Variants in RRP9 observed in about 807,000 individuals in gnomAD.
RRP9 encodes the protein ribosomal RNA processing 9, U3 small nucleolar RNA binding protein.
In RRP9, 35 loss-of-function variants were observed where a neutral mutation model predicts 65.5. That is an observed-to-expected ratio of 0.53 (90% confidence interval 0.41 to 0.71). RRP9 has a LOEUF of 0.71. Ranked by LOEUF, RRP9 falls within the 30% of genes least tolerant of loss-of-function variation. The pLI is 0.00. For missense variants in RRP9, 533 were observed against 633.6 expected, an observed-to-expected ratio of 0.84 and a Z score of 1.70; for synonymous variants, 254 against 245.0, an observed-to-expected ratio of 1.04 and a Z score of -0.34.
Position 51,934,626 on chromosome 3 carries a change from C to A in RRP9, c.1180+5G>T. On this transcript the variant is annotated splice_donor_5th_base_variant and intron_variant, in intron 12 of 14. Transcript: ENST00000232888. This position sits in a 1 kb window ranked among gnomAD's most constrained non-coding sequence, Gnocchi z 4.1. ...CCCCTCCTCCCTGCCTCTCAGGGCA[C>A]CCACCTGTGGCCACAAGGTCTGTGT... The A allele has an allele frequency of 6.2e-7, 1 of 1,614,086 alleles. No individual in the cohort carries two copies. The highest frequency in any genetic ancestry group is 8.5e-7 in the Non-Finnish European group (1 of 1,179,990).
In RRP9 at chr3:51,934,108, C is replaced by T. The variant is rs1164511486; in HGVS notation, c.1261-327G>A. On this transcript the variant is annotated intron_variant, in intron 13 of 14. Coordinates refer to ENST00000232888, the MANE Select transcript of RRP9 (RefSeq NM_004704.5). The surrounding 1 kb of genome is among the most constrained non-coding windows in gnomAD (Gnocchi z 4.1). ...ACTGACCTAGACCCTGCATTCTCAG[C>T]ACACATCACTGACAGATCCTGCCAC... Among the ~76,000 whole-genome samples, 4 of 152,152 alleles carry T rather than the reference C, an allele frequency of 2.6e-5. No individual in the cohort carries two copies. Among genetic ancestry groups the T allele is most frequent in the African/African-American group, 9.7e-5 (4 of 41,434 alleles).
Position 51,934,740 on chromosome 3 carries a change from T to C in RRP9, c.1071A>G (p.Pro357=), listed in dbSNP as rs1220900907. 10 of 1,613,934 alleles carry C rather than the reference T, an allele frequency of 6.2e-6. No individual in the cohort carries two copies. In the Admixed American group the frequency reaches 1.5e-4, roughly 24 times the overall value. ...VALWGLSKKR[P]LALQREAHGL... ...CGTGAGCTTCACGCTGCAGGGCAAG[T>C]GGTCGCTTCTTGGAGAGACCCCACA... The change falls in exon 12 of 15, where the codon CCA becomes CCG. Residue 357 remains proline, a synonymous_variant. Coordinates refer to ENST00000232888, the MANE Select transcript of RRP9 (RefSeq NM_004704.5). The surrounding 1 kb of genome is among the most constrained non-coding windows in gnomAD (Gnocchi z 4.1).
intron 10 of RRP9, 31 bp downstream of exon 10, chr3:51,935,311 T>G (rs1197529174): frequency 9.9e-6 from 16 of 1,613,904 alleles, no homozygotes; most frequent in Non-Finnish European, 1.4e-5. Context: ...CCAGCCCATG[T>G]AGCCCCCACT....
chr3:51,935,237 G>A lies in RRP9; in HGVS notation c.994C>T (p.Leu332=), dbSNP rs1343185409. Residue 332 remains leucine, a synonymous_variant, in exon 11 of 15, where the codon CTA becomes TTA. Transcript: ENST00000232888. ...GACACCATGTGCTCCTCATTGATTA[G>A]GTGGATGCAGTCGATGGAGCCCCTG... ...GHQGSIDCIH[L]INEEHMVSGA... is the part of the protein sequence containing the mutation. The A allele has an allele frequency of 9.9e-6, 16 of 1,614,078 alleles. No individual in the cohort carries two copies. The highest frequency in any genetic ancestry group is 2.7e-5 in the African/African-American group (2 of 74,930).
chr3:51,936,225 A>G (rs756218053), intron 8 of RRP9, 32 bp downstream of exon 8: 3 of 1,593,594 alleles, frequency 1.9e-6, no homozygotes, highest in Non-Finnish European at 2.6e-6. Context: ...TGTGCCCACT[A>G]AAGATCCACT....
At chr3:51,935,159 C>T (rs1699440889) in intron 11 of RRP9, 38 bp downstream of exon 11, 8 of 1,612,090 alleles carry the variant, frequency 5.0e-6, no homozygotes, top group Non-Finnish European at 6.8e-6. Flanking sequence ...CACTCAGGAG[C>T]AGAAGCCGTG....
rs771985037 is a variant in RRP9 at position 51,935,377 on chromosome 3, G to A, written c.936C>T (p.Ile312=). 6.2e-7 allele frequency: 1 copy of A among 1,614,138 alleles called. No individual in the cohort carries two copies. The highest frequency in any genetic ancestry group is 1.1e-5 in the South Asian group (1 of 91,072). Residue 312 remains isoleucine, a synonymous_variant, in exon 10 of 15, where the codon ATC becomes ATT. Coordinates refer to ENST00000232888, the MANE Select transcript of RRP9 (RefSeq NM_004704.5). ...GRDGTVRVWK[I]PEESQLVFYG... is the part of the protein sequence containing the mutation. ...AGAAGACAAGCTGGGACTCCTCGGG[G>A]ATCTTCCACACACGTACAGTCCCAT...
chr3:51,935,515 T>C, intron 9 of RRP9, 39 bp from the exon 10 acceptor site: 1 of 1,613,718 alleles, frequency 6.2e-7, no homozygotes, highest in Middle Eastern at 1.6e-4. Context: ...GGGATAGGGG[T>C]ACTGCATGAA....
chr3:51,934,890 T>C lies in RRP9; in HGVS notation c.1035-114A>G. ...GGATACCCCATTTCCCATGATGTGATTATTACATATTGCATGCCTGTATCA... is the reference window on the plus strand; with the variant it reads ...GGATACCCCATTTCCCATGATGTGACTATTACATATTGCATGCCTGTATCA... On this transcript the variant is annotated intron_variant, in intron 11 of 14. Transcript: ENST00000232888. The surrounding 1 kb of genome is among the most constrained non-coding windows in gnomAD (Gnocchi z 4.1). 8.8e-7 allele frequency: 1 copy of C among 1,138,696 alleles called. No homozygotes were observed. Among genetic ancestry groups the C allele is most frequent in the African/African-American group, 1.6e-5 (1 of 64,290 alleles). The allele number at this position is 1,138,696 out of a possible 1,614,324, so 70.5% of individuals were successfully genotyped here.
Position 51,941,420 on chromosome 3 carries a change from A to AGAGTCGTG in RRP9, c.158_159insCACGACTC (p.Glu54ThrfsTer8), listed in dbSNP as rs1699528765. The AGAGTCGTG allele has an allele frequency of 6.2e-7, 1 of 1,614,064 alleles. No individual in the cohort carries two copies. Among genetic ancestry groups the AGAGTCGTG allele is most frequent in the South Asian group, 1.1e-5 (1 of 91,082 alleles). ...AAAGAATAGCTCACCTCTCGCTCTC[A>AGAGTCGTG]GAGTCGCTGGAGATCTCCTCATTCA... is the stretch of plus-strand genomic sequence containing the variant. On this transcript the variant is annotated frameshift_variant, in exon 2 of 15. Coordinates refer to ENST00000232888, the MANE Select transcript of RRP9 (RefSeq NM_004704.5). LOFTEE classifies it high-confidence loss of function.
At position 51,937,365 on chromosome 3, in the gene RRP9, C is replaced by T; in HGVS notation, c.391-47G>A. On this transcript the variant is annotated intron_variant, in intron 5 of 14. Coordinates refer to ENST00000232888, the MANE Select transcript of RRP9 (RefSeq NM_004704.5). This position sits in a 1 kb window ranked among gnomAD's most constrained non-coding sequence, Gnocchi z 5.0. The stretch of plus-strand genomic sequence containing the variant: ...CACTGTGGCTAGTGGCATAAAGGCA[C>T]TACCTTCACCAACCCCACTGCGTAG... 6.2e-7 allele frequency: 1 copy of T among 1,612,698 alleles called. No individual in the cohort carries two copies. Among genetic ancestry groups the T allele is most frequent in the South Asian group, 1.1e-5 (1 of 90,836 alleles).
rs1461580296 is a variant in RRP9 at position 51,937,815 on chromosome 3, C to G, written c.281-79G>C. On this transcript the variant is annotated intron_variant, in intron 3 of 14. Transcript: ENST00000232888. This position sits in a 1 kb window ranked among gnomAD's most constrained non-coding sequence, Gnocchi z 5.0. ...TCCATCCTGTCCCCATCCCACTGCC[C>G]CAGGGCTGGATAATGCAGGAAGCTC... is the stretch of plus-strand genomic sequence containing the variant. 3.2e-6 allele frequency: 5 copies of G among 1,539,086 alleles called. No homozygotes were observed. The East Asian group carries it at 9.0e-5, about 28-fold the overall frequency.
Position 51,941,841 on chromosome 3 carries a change from C to T in RRP9, c.27G>A (p.Lys9=), listed in dbSNP as rs1699541013. Residue 9 remains lysine (K), a synonymous_variant, in exon 1 of 15, where the codon AAG becomes AAA. Transcript: ENST00000232888. The part of the protein sequence containing the change: MSATAAAR[K]RGKPASGAGA... ...CGGCCCCAGAGGCCGGCTTTCCCCG[C>T]TTACGAGCAGCCGCTGTTGCCGACA... is the stretch of plus-strand genomic sequence containing the variant. 6.3e-7 allele frequency: 1 copy of T among 1,583,310 alleles called. No homozygotes were observed. The highest frequency in any genetic ancestry group is 1.1e-5 in the South Asian group (1 of 88,286).
intron 2 of RRP9, among the ~76,000 whole-genome samples, chr3:51,939,025 G>A (rs1211843097): frequency 6.6e-6 from 1 of 152,194 alleles, no homozygotes; most frequent in Non-Finnish European, 1.5e-5. Flanking sequence ...CCAAAGACAG[G>A]TGCTGCTTTG....
rs929533 is a variant in RRP9, at chr3:51,941,561, C to A, written c.88-70G>T. ...CCTGGCATTGACCAAGGGCCCCCCC[C>A]CCTCGGTTCCCTCAGAACCCCAGGA... On this transcript the variant is annotated intron_variant, in intron 1 of 14. Coordinates refer to ENST00000232888, the MANE Select transcript of RRP9 (RefSeq NM_004704.5). The A allele has an allele frequency of 3.3e-4, 459 of 1,388,592 alleles. 1 individual carries two copies. The highest frequency in any genetic ancestry group is 4.0e-4 in the Non-Finnish European group (389 of 979,280). 86.0% of individuals were successfully genotyped at this position (1,388,592 alleles called of 1,614,324 possible).
intron 6 of RRP9, among the ~76,000 whole-genome samples, chr3:51,936,834 G>A (rs559191745): frequency 6.6e-6 from 1 of 152,334 alleles, no homozygotes; most frequent in East Asian, 1.9e-4. Flanking sequence ...TACTACAGCG[G>A]GTGTAGAAGG....
chr3:51,941,879 G>A lies in RRP9; in HGVS notation c.-12C>T, dbSNP rs199803038. 808 of 1,571,882 alleles carry A rather than the reference G, an allele frequency of 5.1e-4. 1 individual carries two copies. The highest frequency in any genetic ancestry group is 1.1e-3 in the Admixed American group (61 of 57,790). On this transcript the variant is annotated 5_prime_UTR_variant, in exon 1 of 15. Coordinates refer to ENST00000232888, the MANE Select transcript of RRP9 (RefSeq NM_004704.5). ...GCTGTTGCCGACATGCTGCCCACCA[G>A]GCGTGTAGCAGCGGCCGCAGAACTC...
rs1387266174 is a variant in RRP9 at position 51,934,421 on chromosome 3, G to A, written c.1260+51C>T. 7 of 1,560,788 alleles carry A rather than the reference G, an allele frequency of 4.5e-6. No homozygotes were observed. Among genetic ancestry groups the A allele is most frequent in the Non-Finnish European group, 6.1e-6 (7 of 1,143,292 alleles). On this transcript the variant is annotated intron_variant, in intron 13 of 14. Transcript: ENST00000232888. The surrounding 1 kb of genome is among the most constrained non-coding windows in gnomAD (Gnocchi z 4.1). ...AGACCTTAAAGAGCTAACTCCAGGG[G>A]CCTAGGCAGTGTGGCAGAGACAGGC... is the stretch of plus-strand genomic sequence containing the variant.
rs530320315 is a variant in RRP9, at chr3:51,937,917, C to A, written c.280+178G>T. The stretch of plus-strand genomic sequence containing the variant: ...ACTTATCAGATCAGCCCCCTGCGGG[C>A]TCCCCAGGAGGCCCATGAGAGCTTC... On this transcript the variant is annotated intron_variant, in intron 3 of 14. Coordinates refer to ENST00000232888, the MANE Select transcript of RRP9 (RefSeq NM_004704.5). The surrounding 1 kb of genome is among the most constrained non-coding windows in gnomAD (Gnocchi z 5.0). Among the ~76,000 whole-genome samples, 5 of 152,382 alleles carry A rather than the reference C, an allele frequency of 3.3e-5. No homozygotes were observed. In the East Asian group the frequency reaches 9.6e-4, roughly 29 times the overall value.
Sources: allele counts gnomAD v4.1 joint callset (sites outside exome capture counted in the v4.1 genomes callset), GRCh38; gene constraint gnomAD v4.1.1; non-coding constraint Gnocchi (gnomAD v3.1); transcripts MANE v1.5; gene names NCBI Gene and HGNC (gene_info 2026-07-23, HGNC 2026-07-21).